The following ATG5 variants were observed in gnomAD, a reference collection of about 807,000 sequenced individuals.
ATG5 encodes autophagy protein 5.
In ATG5, 14 loss-of-function variants were observed where a neutral mutation model predicts 36.5. The observed-to-expected ratio is 0.38, with a 90% CI of 0.25 to 0.60. The LOEUF is 0.60. Ranked by LOEUF, ATG5 falls within the 20% of genes least tolerant of loss-of-function variation. The pLI is 0.60. For synonymous variants in ATG5, 95 were observed against 101.5 expected (o/e 0.94, Z 0.38); for missense variants, 195 against 326.7 (o/e 0.60, Z 3.11).
intron 6 of ATG5, among the ~76,000 whole-genome samples, chr6:106,206,236 T>C (rs1177378526): frequency 1.4e-5 from 2 of 141,092 alleles, no homozygotes; most frequent in African/African-American, 5.1e-5. Flanking sequence ...TGTAAGGCTT[T>C]TGCCCCTTCT....
At chr6:106,228,970 C>T (rs1777555966) in intron 6 of ATG5, among the ~76,000 whole-genome samples, 1 of 152,252 alleles carries the variant, frequency 6.6e-6, no homozygotes, top group East Asian at 1.9e-4. Flanking sequence ...CCGGCATTAG[C>T]CGGTTGAGAT....
chr6:106,278,859 A>G (rs924072818), intron 5 of ATG5, among the ~76,000 whole-genome samples: 2 of 152,224 alleles, frequency 1.3e-5, no homozygotes, highest in South Asian at 4.1e-4. Flanking sequence ...AAGAAGTGAC[A>G]TAATTTATCA....
intron 5 of ATG5, among the ~76,000 whole-genome samples, chr6:106,278,090 G>A (rs1008388947): frequency 2.6e-4 from 40 of 151,996 alleles, no homozygotes; most frequent in African/African-American, 9.6e-4. Context: ...CGGCACATGC[G>A]ACCATGCCCT....
chr6:106,212,638 C>T (rs575237812), intron 6 of ATG5, among the ~76,000 whole-genome samples: 3 of 151,976 alleles, frequency 2.0e-5, no homozygotes, highest in East Asian at 1.9e-4. Context: ...AGCGAGACTC[C>T]GTATATTAAA....
intron 1 of ATG5, among the ~76,000 whole-genome samples, chr6:106,320,893 A>T (rs144806907): frequency 3.4e-4 from 52 of 152,328 alleles, no homozygotes; most frequent in African/African-American, 1.3e-3. Flanking sequence ...CAGAGAGGCT[A>T]GCCAGGTAGT....
At chr6:106,255,065 G>C (rs1778745946) in intron 5 of ATG5, among the ~76,000 whole-genome samples, 1 of 152,134 alleles carries the variant, frequency 6.6e-6, no homozygotes, top group African/African-American at 2.4e-5. Context: ...GCACAATTTA[G>C]TTGCCATTTA....
chr6:106,244,743 T>A (rs1018374149), intron 6 of ATG5, among the ~76,000 whole-genome samples: 2 of 152,260 alleles, frequency 1.3e-5, no homozygotes, highest in Non-Finnish European at 2.9e-5. Context: ...ATCAGTTGTA[T>A]CCCTTGTGCA....
chr6:106,315,618 T>C (rs1770815141), intron 2 of ATG5, among the ~76,000 whole-genome samples: 1 of 152,122 alleles, frequency 6.6e-6, no homozygotes, highest in South Asian at 2.1e-4. Context: ...CGTGTGTGTG[T>C]ATGTGTGCAT....
At chr6:106,258,654 G>A (rs1203524594) in intron 5 of ATG5, among the ~76,000 whole-genome samples, 1 of 152,186 alleles carries the variant, frequency 6.6e-6, no homozygotes, top group African/African-American at 2.4e-5. Flanking sequence ...GTAGCTGCTA[G>A]TGGGTGATAC....
At chr6:106,269,460 G>A (rs1779358112) in intron 5 of ATG5, among the ~76,000 whole-genome samples, 1 of 152,224 alleles carries the variant, frequency 6.6e-6, no homozygotes, top group Non-Finnish European at 1.5e-5. Flanking sequence ...GCAGAGGGCG[G>A]CACTCGTCAG....
At chr6:106,281,860 G>A (rs1423432072) in intron 4 of ATG5, among the ~76,000 whole-genome samples, 1 of 152,120 alleles carries the variant, frequency 6.6e-6, no homozygotes, top group Non-Finnish European at 1.5e-5. Flanking sequence ...TTTCATTTTA[G>A]TCATTCTAGT....
At chr6:106,192,493 T>C (rs1776002355) in intron 7 of ATG5, among the ~76,000 whole-genome samples, 1 of 152,194 alleles carries the variant, frequency 6.6e-6, no homozygotes, top group Non-Finnish European at 1.5e-5. Context: ...TTGAGTTTCC[T>C]TCTTACTATT....
intron 6 of ATG5, among the ~76,000 whole-genome samples, chr6:106,221,460 C>A: frequency 6.6e-6 from 1 of 151,900 alleles, no homozygotes; most frequent in South Asian, 2.1e-4. Context: ...CCAAGATGGG[C>A]GGATCACTTG....
At chr6:106,223,385 G>A (rs936908974) in intron 6 of ATG5, among the ~76,000 whole-genome samples, 1 of 152,138 alleles carries the variant, frequency 6.6e-6, no homozygotes, top group East Asian at 1.9e-4. Context: ...TGCCAAATAA[G>A]CTTATAATTA....
intron 5 of ATG5, among the ~76,000 whole-genome samples, chr6:106,260,587 TA>T (rs1426197936): frequency 2.0e-5 from 3 of 152,238 alleles, no homozygotes; most frequent in African/African-American, 7.2e-5. Context: ...ATAAGTTGCT[TA>T]TTTTTTCCAG....
chr6:106,233,769 T>C (rs538511962), intron 6 of ATG5, among the ~76,000 whole-genome samples: 2 of 152,256 alleles, frequency 1.3e-5, no homozygotes, highest in East Asian at 3.9e-4. Flanking sequence ...TAAATCCCCA[T>C]GGCCCTCCCT....
chr6:106,279,585 A>T, intron 5 of ATG5, 76 bp downstream of exon 5: 1 of 1,221,148 alleles, frequency 8.2e-7, no homozygotes, highest in South Asian at 2.4e-5. Flanking sequence ...TCTAAAATGT[A>T]TCAACTACTC....
rs187301308 is a variant in ATG5, at chr6:106,224,048, G to C, written c.574-21959C>G. Among the ~76,000 whole-genome samples, 391 of 152,322 alleles carry C rather than the reference G, an allele frequency of 2.6e-3. 1 individual carries two copies. Among genetic ancestry groups the C allele is most frequent in the Non-Finnish European group, 3.9e-3 (268 of 68,026 alleles). Reference sequence around the variant, plus strand: ...AAAGAACATCTATATGATATGAAGGGCTGGGGCATATGTGAAGAAATCAAG... The same window carrying C: ...AAAGAACATCTATATGATATGAAGGCCTGGGGCATATGTGAAGAAATCAAG... On this transcript the variant is annotated intron_variant, in intron 6 of 7. Coordinates refer to ENST00000369076, the MANE Select transcript of ATG5 (RefSeq NM_004849.4).
intron 5 of ATG5, among the ~76,000 whole-genome samples, chr6:106,259,640 G>A (rs920308338): frequency 6.6e-6 from 1 of 151,652 alleles, no homozygotes; most frequent in Admixed American, 6.6e-5. Context: ...TACATTCTAG[G>A]TAGACAAATA....
Sources: gnomAD v4.1 joint callset for allele counts (sites outside exome capture counted in the v4.1 genomes callset) on GRCh38, gnomAD v4.1.1 for gene constraint, MANE v1.5 for transcripts, NCBI Gene and HGNC (gene_info 2026-07-23, HGNC 2026-07-21) for gene names.